TRPM3: variants seen among roughly 807,000 people sequenced by gnomAD.
The protein encoded by TRPM3 is long transient receptor potential channel 3.
A neutral mutation model predicts 181.2 loss-of-function variants in TRPM3; 77 were observed. That is an observed-to-expected ratio of 0.42 (90% confidence interval 0.35 to 0.51). The LOEUF is 0.51. Ranked by LOEUF, TRPM3 falls within the 20% of genes least tolerant of loss-of-function variation. The pLI, the probability that TRPM3 is intolerant of heterozygous loss-of-function variation, is 0.01. For synonymous variants in TRPM3, 745 were observed against 796.4 expected, an observed-to-expected ratio of 0.94 and a Z score of 1.09; for missense variants, 1,759 against 2,196.7, an observed-to-expected ratio of 0.80 and a Z score of 3.98.
At chr9:70,831,281 T>TA (rs548846875) in intron 5 of TRPM3, among the ~76,000 whole-genome samples, 233 of 152,128 alleles carry the variant, frequency 1.5e-3, no homozygotes, top group African/African-American at 5.2e-3. Context: ...CTTTCCAAAT[T>TA]AAAAAAATAA....
chr9:71,354,098 T>C (rs1037741833), intron 1 of TRPM3, among the ~76,000 whole-genome samples: 8 of 152,178 alleles, frequency 5.3e-5, no homozygotes, highest in Non-Finnish European at 7.3e-5. Context: ...TGCTTTCCTC[T>C]CTCCGCTCCT....
chr9:71,393,989 A>G (rs7852482), intron 1 of TRPM3, among the ~76,000 whole-genome samples: 3,626 of 152,256 alleles, frequency 0.024, 91 homozygotes, highest in African/African-American at 0.06. Flanking sequence ...GCTTTACAAT[A>G]CAGAAAAAAA....
In TRPM3 at chr9:70,535,995, G is replaced by A. The variant is rs1435764482; in HGVS notation, c.5118C>T (p.Ser1706=). 3.1e-6 allele frequency: 5 copies of A among 1,612,878 alleles called. No individual in the cohort carries two copies. The East Asian group carries it at 6.7e-5, about 22-fold the overall frequency. The change falls in exon 26 of 26, where the codon TCC becomes TCT. Residue 1706 remains serine (S), a synonymous_variant. Coordinates refer to ENST00000677713, the MANE Select transcript of TRPM3 (RefSeq NM_001366145.2). ...CAAAGCTTTGGAAAGCCGATGTTCT[G>A]GACAGTCTCCTCATGGACAGGCTGT... ...RGDSLSMRRL[S]RTSAFQSFES... is the part of the protein sequence containing the mutation.
At chr9:71,409,708 A>C (rs899801304) in intron 1 of TRPM3, among the ~76,000 whole-genome samples, 18 of 152,162 alleles carry the variant, frequency 1.2e-4, no homozygotes, top group African/African-American at 4.3e-4. Context: ...ACGAGACAGA[A>C]GGTTAACAAG....
At chr9:70,917,568 T>TTTTTTTTTTTTTTTTTTGAG in intron 1 of TRPM3, 1 of 593,642 alleles carries the variant, frequency 1.7e-6, no homozygotes, top group Non-Finnish European at 3.1e-6. Flanking sequence ...GTTAAGTTGT[T>TTTTTTTTTTTTTTTTTTGAG]ATATCAACTT....
At chr9:70,840,400 C>G (rs1338783315) in intron 5 of TRPM3, among the ~76,000 whole-genome samples, 2 of 152,110 alleles carry the variant, frequency 1.3e-5, no homozygotes, top group Admixed American at 6.6e-5. Context: ...AATAGTCTCT[C>G]CCATGGTCCA....
At chr9:71,051,788 G>A (rs1371487096) in intron 1 of TRPM3, among the ~76,000 whole-genome samples, 1 of 152,062 alleles carries the variant, frequency 6.6e-6, no homozygotes, top group Non-Finnish European at 1.5e-5. Flanking sequence ...GCCAATTAGT[G>A]TTGAAGTCTG....
At chr9:71,162,488 T>C (rs2076330124) in intron 1 of TRPM3, among the ~76,000 whole-genome samples, 1 of 152,118 alleles carries the variant, frequency 6.6e-6, no homozygotes, top group African/African-American at 2.4e-5. Context: ...AAAATGGGTA[T>C]ACTTTATTTT....
intron 17 of TRPM3, among the ~76,000 whole-genome samples, chr9:70,618,509 C>A (rs951629353): frequency 6.6e-6 from 1 of 152,208 alleles, no homozygotes; most frequent in Non-Finnish European, 1.5e-5. Context: ...TTCAGGCACC[C>A]TCTGCAGCGA....
chr9:70,797,509 A>T (rs1169707847), intron 6 of TRPM3, among the ~76,000 whole-genome samples: 1 of 152,142 alleles, frequency 6.6e-6, no homozygotes. Flanking sequence ...TCTGCACCCA[A>T]CCTTCGTCTC....
chr9:71,187,497 C>G (rs1425880183), intron 1 of TRPM3, among the ~76,000 whole-genome samples: 1 of 151,874 alleles, frequency 6.6e-6, no homozygotes, highest in East Asian at 1.9e-4. Context: ...AGGCAGATAC[C>G]CTTTTTCCCA....
At chr9:71,318,940 G>C (rs1430362182) in intron 1 of TRPM3, among the ~76,000 whole-genome samples, 1 of 148,758 alleles carries the variant, frequency 6.7e-6, no homozygotes. Context: ...CCAGTCCCCA[G>C]CTCCAAGCAA....
intron 22 of TRPM3, among the ~76,000 whole-genome samples, chr9:70,572,265 G>T (rs1382305237): frequency 6.6e-6 from 1 of 152,146 alleles, no homozygotes; most frequent in African/African-American, 2.4e-5. Context: ...TTTTAGATTT[G>T]TAGAAAGGTT....
chr9:70,921,449 C>T (rs2096652263), intron 1 of TRPM3, among the ~76,000 whole-genome samples: 1 of 152,212 alleles, frequency 6.6e-6, no homozygotes. Context: ...CAAACTAGTG[C>T]TATTAGCATT....
At chr9:71,026,569 C>T (rs1276869827) in intron 1 of TRPM3, among the ~76,000 whole-genome samples, 6 of 152,180 alleles carry the variant, frequency 3.9e-5, no homozygotes. Context: ...TGTGCGTGTG[C>T]ACTCTGCCAT....
intron 1 of TRPM3, among the ~76,000 whole-genome samples, chr9:71,162,628 A>AT (rs1211464136): frequency 5.9e-5 from 9 of 152,148 alleles, no homozygotes; most frequent in African/African-American, 4.8e-5. Flanking sequence ...ACTTATTTGA[A>AT]TTTTTTTAAT....
chr9:70,756,535 T>C (rs1355505920), intron 8 of TRPM3, among the ~76,000 whole-genome samples: 1 of 151,968 alleles, frequency 6.6e-6, no homozygotes, highest in Non-Finnish European at 1.5e-5. Context: ...ATCAACAGAA[T>C]GTACATTCTT....
At chr9:70,581,706 G>A (rs1184046831) in intron 22 of TRPM3, among the ~76,000 whole-genome samples, 2 of 152,210 alleles carry the variant, frequency 1.3e-5, no homozygotes, top group Admixed American at 1.3e-4. Context: ...AGAACACTGA[G>A]CCTTTGGAAA....
chr9:70,793,646 A>G (rs1400937723), intron 6 of TRPM3: 2 of 470,476 alleles, frequency 4.3e-6, no homozygotes, highest in African/African-American at 2.0e-5. Flanking sequence ...GGCAGTCTTC[A>G]CCTGTCTTTT....
Sources: gnomAD v4.1 joint callset for allele counts (sites outside exome capture counted in the v4.1 genomes callset) on GRCh38, gnomAD v4.1.1 for gene constraint, MANE v1.5 for transcripts, NCBI Gene and HGNC (gene_info 2026-07-23, HGNC 2026-07-21) for gene names.